Variants in TOX2 observed in about 807,000 individuals in gnomAD.
TOX2 encodes the protein TOX high mobility group box family member 2, also known as granulosa cell HMG box 1.
TOX2 carries 15 observed loss-of-function variants against 47.4 expected under a neutral mutation model. The observed-to-expected ratio is 0.32, with a 90% CI of 0.21 to 0.49. The LOEUF is 0.49. TOX2 is among the 20% of genes least tolerant of loss of function. The pLI, the probability that TOX2 is intolerant of heterozygous loss-of-function variation, is 0.99. For synonymous variants in TOX2, 290 were observed against 296.6 expected, an observed-to-expected ratio of 0.98 and a Z score of 0.23; for missense variants, 622 against 673.1, an observed-to-expected ratio of 0.92 and a Z score of 0.84.
At chr20:44,000,630 C>T (rs144771017) in intron 2 of TOX2, among the ~76,000 whole-genome samples, 2 of 152,108 alleles carry the variant, frequency 1.3e-5, no homozygotes, top group East Asian at 3.9e-4. Context: ...ACAGATGGTC[C>T]ATAATGCCAT....
At chr20:44,053,268 G>A (rs2071548249) in intron 4 of TOX2, among the ~76,000 whole-genome samples, 1 of 152,134 alleles carries the variant, frequency 6.6e-6, no homozygotes, top group African/African-American at 2.4e-5. Context: ...ACTGGTTCCA[G>A]GGCTGACGCA....
At chr20:44,063,527 A>G (rs1322534730) in intron 5 of TOX2, among the ~76,000 whole-genome samples, 1 of 152,216 alleles carries the variant, frequency 6.6e-6, no homozygotes. Flanking sequence ...TAGTACATCC[A>G]CTGTGAAAAA....
intron 3 of TOX2, among the ~76,000 whole-genome samples, chr20:44,045,944 A>T (rs1299299027): frequency 6.6e-6 from 1 of 152,230 alleles, no homozygotes. Flanking sequence ...GGCTTATAGA[A>T]GGTGAGAGTG....
chr20:43,951,644 T>C (rs557125885), intron 1 of TOX2, among the ~76,000 whole-genome samples: 1 of 150,150 alleles, frequency 6.7e-6, no homozygotes, highest in South Asian at 2.1e-4. Context: ...ACATGCAATA[T>C]AGATAAAGTG....
intron 2 of TOX2, among the ~76,000 whole-genome samples, chr20:43,982,108 A>G (rs1487096779): frequency 6.6e-6 from 1 of 152,070 alleles, no homozygotes; most frequent in Non-Finnish European, 1.5e-5. Context: ...CTCTGGCCTT[A>G]GCTGGGAGTG....
rs569494581 is a variant in TOX2, at chr20:43,923,930, G to C, written c.99+8940G>C. Among the ~76,000 whole-genome samples, 9 of 152,322 alleles carry C rather than the reference G, an allele frequency of 5.9e-5. No individual in the cohort carries two copies. The South Asian group carries it at 1.7e-3, about 28-fold the overall frequency. On this transcript the variant is annotated intron_variant, in intron 1 of 8. Transcript: ENST00000341197. ...CACAGGGAGCTGTGGCGCTAAGGTG[G>C]CTCTTTAGTGTTGCCCCAGATGGAG...
chr20:44,035,722 A>C (rs1438158452), intron 3 of TOX2, among the ~76,000 whole-genome samples: 1 of 152,102 alleles, frequency 6.6e-6, no homozygotes, highest in Non-Finnish European at 1.5e-5. Context: ...AGATGCAGAG[A>C]GCTTGAATGT....
intron 3 of TOX2, among the ~76,000 whole-genome samples, chr20:44,038,631 T>A (rs2071277940): frequency 6.6e-6 from 1 of 151,510 alleles, no homozygotes; most frequent in Non-Finnish European, 1.5e-5. Flanking sequence ...AAAATTTAAT[T>A]GTGGAAAAAA....
At chr20:43,939,059 T>C (rs2069367244) in intron 1 of TOX2, among the ~76,000 whole-genome samples, 1 of 152,200 alleles carries the variant, frequency 6.6e-6, no homozygotes, top group Admixed American at 6.5e-5. Context: ...CCAGACAGGA[T>C]GCCAAAGCCC....
intron 2 of TOX2, among the ~76,000 whole-genome samples, chr20:44,003,399 G>C (rs2070621247): frequency 6.6e-6 from 1 of 151,956 alleles, no homozygotes; most frequent in African/African-American, 2.4e-5. Flanking sequence ...ATGTTGCCCA[G>C]AGTGGTCTCA....
At chr20:44,057,993 G>T (rs564750573) in intron 5 of TOX2, among the ~76,000 whole-genome samples, 377 of 146,176 alleles carry the variant, frequency 2.6e-3, no homozygotes, top group African/African-American at 8.8e-3. Context: ...CAGAAAAATG[G>T]CAGGAAGGAG....
intron 3 of TOX2, among the ~76,000 whole-genome samples, chr20:44,023,717 C>G (rs1219044936): frequency 6.6e-6 from 1 of 152,252 alleles, no homozygotes; most frequent in East Asian, 1.9e-4. Context: ...AGCTGGTGCT[C>G]TCAGCATCAG....
At chr20:44,054,619 T>C in intron 5 of TOX2, 93 bp downstream of exon 5, 4 of 1,340,296 alleles carry the variant, frequency 3.0e-6, no homozygotes, top group Non-Finnish European at 4.2e-6. Flanking sequence ...GGCCCAGCTC[T>C]GGAACTAGAG....
At chr20:43,968,589 A>G (rs916485858) in intron 1 of TOX2, among the ~76,000 whole-genome samples, 1 of 152,156 alleles carries the variant, frequency 6.6e-6, no homozygotes, top group African/African-American at 2.4e-5. Context: ...CCGTCATGAA[A>G]GGGTTATCCC....
intron 1 of TOX2, chr20:43,945,987 G>T (rs745971490): frequency 8.1e-6 from 13 of 1,613,998 alleles, no homozygotes; most frequent in Non-Finnish European, 1.1e-5. Flanking sequence ...TGAGACTCGG[G>T]CTCCTTCTAC....
In TOX2 at chr20:43,984,922, C is replaced by T. The variant is rs577245746; in HGVS notation, c.165+11490C>T. ...CTTCCCCCTCCCAGCCACCTCCCAG[C>T]CACCTCGAACTTAGCATCCCCTGTA... On this transcript the variant is annotated intron_variant, in intron 2 of 8. Coordinates refer to ENST00000341197, the MANE Select transcript of TOX2 (RefSeq NM_001098797.2). Among the ~76,000 whole-genome samples, 27 of 152,244 alleles carry T rather than the reference C, an allele frequency of 1.8e-4. No homozygotes were observed. The South Asian group carries it at 4.6e-3, about 26-fold the overall frequency.
At chr20:43,989,986 G>T (rs886292648) in intron 2 of TOX2, among the ~76,000 whole-genome samples, 1 of 152,072 alleles carries the variant, frequency 6.6e-6, no homozygotes, top group African/African-American at 2.4e-5. Context: ...TTGTTGGCCG[G>T]ATTCAGTTCC....
In TOX2 at chr20:44,065,844, C is replaced by A. The variant is rs142650311; in HGVS notation, c.1093C>A (p.Arg365Ser). 6.2e-7 allele frequency: 1 copy of A among 1,613,684 alleles called. No homozygotes were observed. The highest frequency in any genetic ancestry group is 1.3e-5 in the African/African-American group (1 of 74,938). Residue 365 changes from arginine (R) to serine (S), a missense_variant, in exon 7 of 9, where the codon CGC becomes AGC. Around this residue, in one of 3 missense-constraint regions of TOX2, gnomAD observed 294 missense variants for 300.0 expected, o/e 0.98. Coordinates refer to ENST00000341197, the MANE Select transcript of TOX2 (RefSeq NM_001098797.2). Reference sequence around the variant, plus strand: ...GACGCCGTCGGACCTGCAGGCCTTCCGCAGTGGGGCCTCCCCTGCCAGCCT... The same window carrying A: ...GACGCCGTCGGACCTGCAGGCCTTCAGCAGTGGGGCCTCCCCTGCCAGCCT... ...FLTPSDLQAF[R>S]SGASPASLAR...
chr20:43,922,468 TTTCTGGCCAGGGC>T (rs2069122363), intron 1 of TOX2, among the ~76,000 whole-genome samples: 1 of 152,210 alleles, frequency 6.6e-6, no homozygotes, highest in African/African-American at 2.4e-5. Context: ...GGCACCGTGC[TTTCTGGCCAGGGC>T]TTCAGTCCAC....
Sources: gnomAD v4.1 joint callset for allele counts (sites outside exome capture counted in the v4.1 genomes callset) on GRCh38, gnomAD v4.1.1 for gene constraint, gnomAD v4.1.1 regional missense constraint, MANE v1.5 for transcripts, NCBI Gene and HGNC (gene_info 2026-07-23, HGNC 2026-07-21) for gene names.